The following CC2D1A variants were observed in gnomAD, a reference collection of about 807,000 sequenced individuals.
The protein encoded by CC2D1A is coiled-coil and C2 domain containing 1A.
CC2D1A carries 68 observed loss-of-function variants against 123.8 expected under a neutral mutation model. The ratio of observed to expected loss-of-function variants is 0.55; its 90% confidence interval spans 0.45 to 0.67. CC2D1A has a LOEUF of 0.67. CC2D1A is among the 30% of genes least tolerant of loss of function. The pLI, the probability that CC2D1A is intolerant of heterozygous loss-of-function variation, is 0.00. For missense variants in CC2D1A, 1,185 were observed against 1,290.3 expected (o/e 0.92, Z 1.25); for synonymous variants, 477 against 528.0 (o/e 0.90, Z 1.32).
At position 13,927,906 on chromosome 19, in the gene CC2D1A, G is replaced by A. The variant is rs755387339; in HGVS notation, c.2330G>A (p.Arg777His). The change falls in exon 23 of 29, where the codon CGC (arginine) becomes CAC (histidine). Residue 777 changes from arginine to histidine, a missense_variant. Arg to His is a conservative substitution (Grantham distance 29). Coordinates refer to ENST00000318003, the MANE Select transcript of CC2D1A (RefSeq NM_017721.5). The part of the protein sequence containing the change: ...VREILEVLDG[R>H]RPTGGRLEVM... ...ACCCCCACCCAGGTCCTGGATGGTC[G>A]CCGGCCCACAGGGGGGCGACTGGAG... 20 of 1,613,228 alleles carry A rather than the reference G, an allele frequency of 1.2e-5. No individual in the cohort carries two copies. Among genetic ancestry groups the A allele is most frequent in the African/African-American group, 4.0e-5 (3 of 74,842 alleles).
At chr19:13,917,485 A>G (rs1160389258) in intron 6 of CC2D1A, among the ~76,000 whole-genome samples, 1 of 152,036 alleles carries the variant, frequency 6.6e-6, no homozygotes, top group Non-Finnish European at 1.5e-5. Flanking sequence ...GGTAACTCAC[A>G]CCTGTAATCC....
Position 13,929,406 on chromosome 19 carries a change from T to C in CC2D1A, c.2547T>C (p.Ser849=), listed in dbSNP as rs1245762065. ...NRSARPLHSL[S]VLAFDQERLE... is the part of the protein sequence containing the mutation. ...CAGCCCGGCCCCTGCATAGCCTCAG[T>C]GTGCTGGCGTTTGACCAAGAGCGTC... Residue 849 remains serine (S), a synonymous_variant, in exon 25 of 29, where the codon AGT becomes AGC. Transcript: ENST00000318003. 3.1e-6 allele frequency: 5 copies of C among 1,613,482 alleles called. No homozygotes were observed. Among genetic ancestry groups the C allele is most frequent in the East Asian group, 2.2e-5 (1 of 44,784 alleles).
intron 17 of CC2D1A, among the ~76,000 whole-genome samples, chr19:13,925,990 A>G (rs1278671454): frequency 0.02 from 1,927 of 94,144 alleles, 130 homozygotes; most frequent in African/African-American, 0.11. Flanking sequence ...ATATATATAC[A>G]TATATGTGTG....
Position 13,918,400 on chromosome 19 carries a change from A to T in CC2D1A, c.874-104A>T, listed in dbSNP as rs1474751168. The T allele has an allele frequency of 1.1e-5, 13 of 1,202,900 alleles. No homozygotes were observed. In the South Asian group the frequency reaches 1.8e-4, roughly 17 times the overall value. 74.5% of individuals were successfully genotyped at this position (1,202,900 alleles called of 1,614,324 possible). A position where few individuals can be genotyped will look rare whatever the true frequency, so the allele number is the denominator to read the frequency against. ...AAGCAAGATGGCACAAATGGAAGGG[A>T]GGGAGCTAGAAGTCCTCGGTGGCAT... On this transcript the variant is annotated intron_variant, in intron 7 of 28. Transcript: ENST00000318003.
At chr19:13,919,069 G>A in intron 10 of CC2D1A, 27 bp downstream of exon 10, 3 of 1,602,008 alleles carry the variant, frequency 1.9e-6, no homozygotes, top group Non-Finnish European at 2.6e-6. Flanking sequence ...GGGGGAGGTG[G>A]GGCGAGTGGG....
chr19:13,911,489 C>T (rs529717836), intron 2 of CC2D1A, among the ~76,000 whole-genome samples: 1 of 151,308 alleles, frequency 6.6e-6, no homozygotes, highest in South Asian at 2.1e-4. Flanking sequence ...TGCCGAAGTT[C>T]TCACAGAGAG....
Position 13,919,217 on chromosome 19 carries a change from T to C in CC2D1A, c.1222+15T>C, listed in dbSNP as rs374194268. 1.6e-5 allele frequency: 26 copies of C among 1,598,964 alleles called. No individual in the cohort carries two copies. The highest frequency in any genetic ancestry group is 1.7e-4 in the Middle Eastern group (1 of 5,960). ...CGTGCCCCCAGGTAGGCCTTGCCCC[T>C]GTAGGCCTCGCCCCAGTAGGCCCCG... On this transcript the variant is annotated intron_variant, in intron 11 of 28. Transcript: ENST00000318003.
Position 13,929,634 on chromosome 19 carries a change from A to G in CC2D1A, c.2684A>G (p.Glu895Gly). 1 of 1,531,648 alleles carries G rather than the reference A, an allele frequency of 6.5e-7. No individual in the cohort carries two copies. The allele number at this position is 1,531,648 out of a possible 1,614,324, so 94.9% of individuals were successfully genotyped here. The change falls in exon 26 of 29, where the codon GAG (glutamate) becomes GGG (glycine). Residue 895 changes from glutamate to glycine, a missense_variant. Physicochemically the swap from Glu to Gly is moderately conservative, Grantham distance 98 (BLOSUM62 -2). Coordinates refer to ENST00000318003, the MANE Select transcript of CC2D1A (RefSeq NM_017721.5). ...QRSQWQRAQL[E>G]QGGVGIRREY... ...AGCCAGTGGCAGAGGGCACAGCTGG[A>G]GCAGGGGGGTGTGGGCATCCGACGG...
rs1244113246 is a variant in CC2D1A, at chr19:13,918,339, C to T, written c.873+145C>T. The stretch of plus-strand genomic sequence containing the variant: ...TAAGTCTTGGAGCCTCAGTTTACCC[C>T]CTCTGTGAAATGGGCACGTGTGTTG... On this transcript the variant is annotated intron_variant, in intron 7 of 28. Transcript: ENST00000318003. The T allele has an allele frequency of 4.2e-6, 5 of 1,180,764 alleles. No individual in the cohort carries two copies. In the African/African-American group the frequency reaches 6.2e-5, roughly 15 times the overall value. The allele number at this position is 1,180,764 out of a possible 1,614,324, so 73.1% of individuals were successfully genotyped here. A position where few individuals can be genotyped will look rare whatever the true frequency, so the allele number is the denominator to read the frequency against.
intron 12 of CC2D1A, 124 bp downstream of exon 12, chr19:13,920,075 C>T: frequency 9.9e-7 from 1 of 1,010,100 alleles, no homozygotes; most frequent in Non-Finnish European, 1.4e-6. Flanking sequence ...AGTGAGACCC[C>T]CGTCTCTACA....
At chr19:13,921,928 A>G (rs551643113) in intron 14 of CC2D1A, among the ~76,000 whole-genome samples, 9 of 152,016 alleles carry the variant, frequency 5.9e-5, no homozygotes, top group Non-Finnish European at 1.0e-4. Flanking sequence ...TAAATACAGC[A>G]CCTTATCACG....
chr19:13,929,960 G>C (rs1011235698), intron 26 of CC2D1A, 118 bp from the exon 27 acceptor site: 2 of 879,906 alleles, frequency 2.3e-6, no homozygotes, highest in Non-Finnish European at 3.5e-6. Context: ...CCTGGAGGGG[G>C]AGGGGCTCGG....
intron 6 of CC2D1A, 130 bp from the exon 7 acceptor site, chr19:13,917,940 C>T: frequency 1.0e-6 from 1 of 973,132 alleles, no homozygotes; most frequent in South Asian, 2.0e-5. Context: ...CACTGTACCC[C>T]AGCATGGGCA....
Position 13,930,283 on chromosome 19 carries a change from G to A in CC2D1A, c.2829G>A (p.Glu943=), listed in dbSNP as rs1039330361. The part of the protein sequence containing the change: ...KEALYRRNLV[E]SELQRLRR ...CGCTCTATAGGCGGAATCTGGTAGA[G>A]AGTGAGGTAAGCAGCTTAGGAGATG... The change falls in exon 28 of 29, where the codon GAG becomes GAA. Residue 943 remains glutamate, a synonymous_variant. Coordinates refer to ENST00000318003, the MANE Select transcript of CC2D1A (RefSeq NM_017721.5). The surrounding 1 kb of genome is among the most constrained non-coding windows in gnomAD (Gnocchi z 6.8). 17 of 1,613,864 alleles carry A rather than the reference G, an allele frequency of 1.1e-5. No homozygotes were observed. Among genetic ancestry groups the A allele is most frequent in the Non-Finnish European group, 1.4e-5 (17 of 1,179,924 alleles).
chr19:13,907,534 A>C (rs1413779184), intron 1 of CC2D1A, among the ~76,000 whole-genome samples: 1 of 152,024 alleles, frequency 6.6e-6, no homozygotes. Flanking sequence ...TTAGCTGGGC[A>C]TGGTGGCGGG....
intron 11 of CC2D1A, 96 bp from the exon 12 acceptor site, chr19:13,919,722 C>A: frequency 1.5e-6 from 2 of 1,310,352 alleles, no homozygotes; most frequent in African/African-American, 1.5e-5. Flanking sequence ...AGGCCCAAGA[C>A]TCTATAGGTG....
chr19:13,921,276 T>C (rs142961064), intron 14 of CC2D1A, among the ~76,000 whole-genome samples: 5 of 152,280 alleles, frequency 3.3e-5, no homozygotes, highest in Non-Finnish European at 7.4e-5. Context: ...GTGACATCAC[T>C]ATTGCTTGTC....
chr19:13,910,509 A>G (rs1351632906), intron 2 of CC2D1A, among the ~76,000 whole-genome samples: 1 of 151,760 alleles, frequency 6.6e-6, no homozygotes, highest in Non-Finnish European at 1.5e-5. Flanking sequence ...GAGTCACATC[A>G]TGTGCTTTGG....
rs759600641 is a variant in CC2D1A, at chr19:13,926,530, C to A, written c.1954C>A (p.Leu652Ile). The stretch of plus-strand genomic sequence containing the variant: ...CCCACCCGGAAGGATCTTCCCTGAC[C>A]TCAGCAGCAACGACATGCTCCTCTT... ...TFSVIKIFPDLSSNDMLLFIV... is the reference protein window; with the variant it reads ...TFSVIKIFPDISSNDMLLFIV... The change falls in exon 18 of 29, where the codon CTC (leucine) becomes ATC (isoleucine). Residue 652 changes from leucine (L) to isoleucine (I), a missense_variant. Transcript: ENST00000318003. 1.2e-6 allele frequency: 2 copies of A among 1,614,100 alleles called. No individual in the cohort carries two copies. The highest frequency in any genetic ancestry group is 2.2e-5 in the South Asian group (2 of 91,066).
Sources: allele counts gnomAD v4.1 joint callset (sites outside exome capture counted in the v4.1 genomes callset), GRCh38; gene constraint gnomAD v4.1.1; non-coding constraint Gnocchi (gnomAD v3.1); transcripts MANE v1.5; gene names NCBI Gene and HGNC (gene_info 2026-07-23, HGNC 2026-07-21).